COL21A1: variants seen among roughly 807,000 people sequenced by gnomAD.
COL21A1 encodes collagen type XXI alpha 1 chain.
COL21A1 carries 149 observed loss-of-function variants against 137.9 expected under a neutral mutation model. The observed-to-expected ratio is 1.08, with a 90% CI of 0.95 to 1.24. The LOEUF (loss-of-function observed/expected upper bound fraction) is 1.24. Among genes scored for constraint, COL21A1 ranks in the 50% most tolerant of loss-of-function variants. COL21A1 has a pLI of 0.00. For synonymous variants in COL21A1, 456 were observed against 391.5 expected (o/e 1.16, Z -1.95); for missense variants, 1,167 against 1,158.4 (o/e 1.01, Z -0.11).
At chr6:56,077,097 A>G (rs577123755) in intron 18 of COL21A1, among the ~76,000 whole-genome samples, 12 of 151,570 alleles carry the variant, frequency 7.9e-5, no homozygotes, top group African/African-American at 2.9e-4. Flanking sequence ...CTAAGAGAAA[A>G]TAATTGTCAA....
intron 1 of COL21A1, among the ~76,000 whole-genome samples, chr6:56,217,038 T>C (rs777088872): frequency 2.6e-5 from 4 of 152,200 alleles, no homozygotes; most frequent in Non-Finnish European, 5.9e-5. Flanking sequence ...AATAAAAATA[T>C]GGCCAATCCA....
rs1288776982 is a variant in COL21A1, at chr6:56,260,711, GGCAGGA to G, written c.-38-78061_-38-78056del. On this transcript the variant is annotated intron_variant, in intron 1 of 28. Transcript: ENST00000370819. ...AGGAAGGCAGGCAGGCAGGCAGGCA[GGCAGGA>G]AGGGAGGCAGGCAGGAAGGAAGGAA... Among the ~76,000 whole-genome samples, 200 of 150,348 alleles carry G rather than the reference GGCAGGA, an allele frequency of 1.3e-3. 1 individual carries two copies. The highest frequency in any genetic ancestry group is 2.0e-3 in the Non-Finnish European group (136 of 67,316).
rs894245813 is a variant in COL21A1, at chr6:56,074,371, T to C, written c.1912-86A>G. On this transcript the variant is annotated intron_variant, in intron 19 of 29. Coordinates refer to ENST00000244728, the MANE Select transcript of COL21A1 (RefSeq NM_030820.4). The stretch of plus-strand genomic sequence containing the variant: ...TCAATTTCCAAGTTACACATTCTCA[T>C]AATTAATTCACTAAATTATAATACA... 20 of 842,910 alleles carry C rather than the reference T, an allele frequency of 2.4e-5. No individual in the cohort carries two copies. In the Admixed American group the frequency reaches 4.7e-4, roughly 20 times the overall value. 52.2% of individuals were successfully genotyped at this position (842,910 alleles called of 1,614,324 possible).
chr6:56,300,227 T>A lies in COL21A1; in HGVS notation c.-39+93744A>T, dbSNP rs924162029. ...ATGTACAGATAAAATGATATTTTTATGGGATTTGCTTTGAAATAATCAGAG... is the reference window on the plus strand; with the variant it reads ...ATGTACAGATAAAATGATATTTTTAAGGGATTTGCTTTGAAATAATCAGAG... On this transcript the variant is annotated intron_variant, in intron 1 of 28. Coordinates refer to the COL21A1 transcript ENST00000370819. Among the ~76,000 whole-genome samples, 203 of 152,232 alleles carry A rather than the reference T, an allele frequency of 1.3e-3. 3 individuals are homozygous for A. Among genetic ancestry groups the A allele is most frequent in the Non-Finnish European group, 2.2e-4 (15 of 67,988 alleles).
At chr6:56,094,627 G>A (rs2114221412) in intron 17 of COL21A1, among the ~76,000 whole-genome samples, 1 of 152,278 alleles carries the variant, frequency 6.6e-6, no homozygotes, top group South Asian at 2.1e-4. Flanking sequence ...ATCTGCATCA[G>A]TCAGGGTTCC....
At chr6:56,286,587 T>C (rs1038351291) in intron 1 of COL21A1, among the ~76,000 whole-genome samples, 2 of 152,260 alleles carry the variant, frequency 1.3e-5, no homozygotes, top group Non-Finnish European at 2.9e-5. Context: ...GCTGAGCACG[T>C]AGTAAGTACT....
chr6:56,339,560 T>C (rs1407620681), intron 1 of COL21A1, among the ~76,000 whole-genome samples: 1 of 87,198 alleles, frequency 1.1e-5, no homozygotes, highest in East Asian at 5.6e-4. Context: ...TACCAAATCT[T>C]TGGTTTTCTC....
At chr6:56,189,872 C>T (rs182640702) in intron 1 of COL21A1, among the ~76,000 whole-genome samples, 1 of 152,204 alleles carries the variant, frequency 6.6e-6, no homozygotes, top group Admixed American at 6.5e-5. Flanking sequence ...CCAAACTAAG[C>T]TTCATAAGCT....
chr6:56,244,831 CT>C (rs1402688741), intron 1 of COL21A1, among the ~76,000 whole-genome samples: 1 of 152,126 alleles, frequency 6.6e-6, no homozygotes, highest in Admixed American at 6.5e-5. Context: ...CATTTGGCAT[CT>C]TTTTTGGCAT....
At chr6:56,058,835 C>T (rs1469799373) in intron 29 of COL21A1, among the ~76,000 whole-genome samples, 1 of 152,132 alleles carries the variant, frequency 6.6e-6, no homozygotes, top group Non-Finnish European at 1.5e-5. Flanking sequence ...TACTTAACCG[C>T]TTCAGCATTT....
intron 1 of COL21A1, among the ~76,000 whole-genome samples, chr6:56,265,861 G>A (rs1001967796): frequency 1.3e-5 from 2 of 152,086 alleles, no homozygotes; most frequent in Non-Finnish European, 1.5e-5. Flanking sequence ...ATGCTACTTG[G>A]AGTCTTATAG....
chr6:56,119,970 G>T (rs1341079844), intron 16 of COL21A1, among the ~76,000 whole-genome samples: 1 of 152,036 alleles, frequency 6.6e-6, no homozygotes, highest in Admixed American at 6.6e-5. Flanking sequence ...GAAAAACATT[G>T]GGGGAAATCT....
At chr6:56,214,668 A>G (rs532338139) in intron 1 of COL21A1, among the ~76,000 whole-genome samples, 64 of 151,824 alleles carry the variant, frequency 4.2e-4, no homozygotes, top group Non-Finnish European at 3.4e-4. Context: ...CATTTAGAAC[A>G]TTTTTTGCAA....
chr6:56,363,430 A>G (rs1766022011), intron 1 of COL21A1, among the ~76,000 whole-genome samples: 1 of 152,216 alleles, frequency 6.6e-6, no homozygotes, highest in Non-Finnish European at 1.5e-5. Flanking sequence ...AGCAGAGGCC[A>G]CACCACTAGG....
Position 56,170,776 on chromosome 6 carries a change from A to G in COL21A1, c.899T>C (p.Ile300Thr). Reference sequence around the variant, plus strand: ...TTGTGGCCTTCCATCAATAGTTAATATTCTCCATAAATCCCAAATTTTCTT... The same window carrying G: ...TTGTGGCCTTCCATCAATAGTTAATGTTCTCCATAAATCCCAAATTTTCTT... ...KVKKIWDLWRILTIDGRPQIA... is the reference protein window; with the variant it reads ...KVKKIWDLWRTLTIDGRPQIA... The change falls in exon 5 of 30, where the codon ATA (isoleucine) becomes ACA (threonine). Residue 300 changes from isoleucine to threonine, a missense_variant. Physicochemically the swap from Ile to Thr is moderately conservative, Grantham distance 89. Coordinates refer to ENST00000244728, the MANE Select transcript of COL21A1 (RefSeq NM_030820.4). 6.2e-7 allele frequency: 1 copy of G among 1,608,556 alleles called. No individual in the cohort carries two copies. Among genetic ancestry groups the G allele is most frequent in the South Asian group, 1.1e-5 (1 of 90,552 alleles).
chr6:56,215,389 A>G (rs1780420228), intron 1 of COL21A1, among the ~76,000 whole-genome samples: 2 of 152,160 alleles, frequency 1.3e-5, no homozygotes, highest in South Asian at 4.1e-4. Flanking sequence ...CTCATACACT[A>G]CTTGCAGAAG....
intron 1 of COL21A1, among the ~76,000 whole-genome samples, chr6:56,223,037 CA>C (rs1314993607): frequency 1.7e-5 from 1 of 57,828 alleles, no homozygotes; most frequent in Non-Finnish European, 3.0e-5. Flanking sequence ...ACATTCTATT[CA>C]GAACAAAAAA....
At chr6:56,126,629 T>C (rs1773068989) in intron 12 of COL21A1, 1 of 152,780 alleles carries the variant, frequency 6.5e-6, no homozygotes, top group Non-Finnish European at 1.5e-5. Context: ...TGTTCATATG[T>C]GTCTATGAAC....
chr6:56,291,797 C>A (rs1030101845), intron 1 of COL21A1, among the ~76,000 whole-genome samples: 3 of 152,150 alleles, frequency 2.0e-5, no homozygotes, highest in South Asian at 2.1e-4. Context: ...GGCAGCAATC[C>A]CCATTTTAAA....
Sources: gnomAD v4.1 joint callset for allele counts (sites outside exome capture counted in the v4.1 genomes callset) on GRCh38, gnomAD v4.1.1 for gene constraint, MANE v1.5 for transcripts, NCBI Gene and HGNC (gene_info 2026-07-23, HGNC 2026-07-21) for gene names.